ARID1B: variants seen among roughly 807,000 people sequenced by gnomAD.
ARID1B encodes AT-rich interaction domain 1B.
A neutral mutation model predicts 212.3 loss-of-function variants in ARID1B; 30 were observed. The observed-to-expected ratio is 0.14, with a 90% CI of 0.11 to 0.19. The LOEUF is 0.19. Among genes scored for constraint, ARID1B ranks in the 10% least tolerant of loss-of-function variants. ARID1B has a pLI of 1.00. For missense variants in ARID1B, 2,891 were observed against 3,204.0 expected, an observed-to-expected ratio of 0.90 and a Z score of 2.36; for synonymous variants, 1,402 against 1,301.7, an observed-to-expected ratio of 1.08 and a Z score of -1.66.
chr6:157,038,706 A>C (rs1398003680), intron 4 of ARID1B, among the ~76,000 whole-genome samples: 1 of 152,172 alleles, frequency 6.6e-6, no homozygotes, highest in Non-Finnish European at 1.5e-5. Context: ...TGCCCAGCAT[A>C]CATGTGGAAT....
At chr6:156,810,791 T>A (rs1182677924) in intron 1 of ARID1B, among the ~76,000 whole-genome samples, 1 of 152,174 alleles carries the variant, frequency 6.6e-6, no homozygotes, top group African/African-American at 2.4e-5. Context: ...GCAGGTCTTA[T>A]GTGGGAGGGG....
At chr6:156,888,208 T>G (rs1161535163) in intron 2 of ARID1B, among the ~76,000 whole-genome samples, 1 of 152,214 alleles carries the variant, frequency 6.6e-6, no homozygotes, top group African/African-American at 2.4e-5. Flanking sequence ...TTGGCTCCTC[T>G]TTTTGTGCTT....
intron 4 of ARID1B, chr6:157,023,443 T>C (rs1780454011): frequency 6.6e-6 from 1 of 152,236 alleles, no homozygotes; most frequent in South Asian, 2.1e-4. Flanking sequence ...TCAGAAGGGA[T>C]ATGTACAATT....
intron 4 of ARID1B, chr6:156,939,239 C>T (rs1457459081): frequency 6.6e-6 from 1 of 152,162 alleles, no homozygotes; most frequent in Non-Finnish European, 1.5e-5. Flanking sequence ...ATGAAATAAA[C>T]CTAGCATTTA....
At chr6:156,847,564 C>T (rs1015962209) in intron 2 of ARID1B, among the ~76,000 whole-genome samples, 4 of 151,960 alleles carry the variant, frequency 2.6e-5, no homozygotes, top group African/African-American at 4.8e-5. Context: ...CTGAGATAGA[C>T]GATGGGAAGG....
intron 2 of ARID1B, among the ~76,000 whole-genome samples, chr6:156,846,597 G>C (rs1416937549): frequency 1.3e-5 from 2 of 152,258 alleles, no homozygotes; most frequent in East Asian, 3.9e-4. Context: ...CATCTTGTTG[G>C]CAGACCCTAA....
intron 4 of ARID1B, among the ~76,000 whole-genome samples, chr6:156,963,931 T>G (rs949507740): frequency 6.6e-6 from 1 of 152,252 alleles, no homozygotes; most frequent in African/African-American, 2.4e-5. Context: ...TTCTGTTCCC[T>G]TTTCTTTAGT....
chr6:157,107,389 G>T (rs1481870423), intron 5 of ARID1B, among the ~76,000 whole-genome samples: 1 of 151,962 alleles, frequency 6.6e-6, no homozygotes, highest in Non-Finnish European at 1.5e-5. Context: ...CATTGGAGGA[G>T]GTGGGCTAAA....
chr6:157,092,539 GTGGGGAATGAGTAT>G (rs1446225635), intron 5 of ARID1B, among the ~76,000 whole-genome samples: 3 of 152,254 alleles, frequency 2.0e-5, no homozygotes, highest in Admixed American at 2.0e-4. Context: ...ATTCTGATGG[GTGGGGAATGAGTAT>G]TCTTTTCTTC....
chr6:156,813,125 G>A (rs1161753215), intron 1 of ARID1B, among the ~76,000 whole-genome samples: 3 of 136,138 alleles, frequency 2.2e-5, no homozygotes, highest in African/African-American at 8.4e-5. Flanking sequence ...TTTTTTTTGA[G>A]ACGGAGTCTC....
rs773646023 is a variant in ARID1B, at chr6:157,133,054, C to G, written c.2608C>G (p.Pro870Ala). 37 of 1,605,864 alleles carry G rather than the reference C, an allele frequency of 2.3e-5. No homozygotes were observed. The highest frequency in any genetic ancestry group is 3.0e-5 in the Non-Finnish European group (35 of 1,177,848). ...RGFMAGTQRN[P>A]QMAQYGPQQT... ...TTTTATGGCAGGCACACAAAGAAACCCTCAGATGGCTCAGTATGGACCTCA... is the reference window on the plus strand; with the variant it reads ...TTTTATGGCAGGCACACAAAGAAACGCTCAGATGGCTCAGTATGGACCTCA... Residue 870 changes from proline (P) to alanine (A), a missense_variant, in exon 7 of 20, where the codon CCT becomes GCT. Coordinates refer to ENST00000636930, the MANE Select transcript of ARID1B (RefSeq NM_001374828.1).
intron 16 of ARID1B, among the ~76,000 whole-genome samples, chr6:157,198,253 A>G (rs1189104248): frequency 2.0e-5 from 3 of 152,200 alleles, no homozygotes; most frequent in East Asian, 1.9e-4. Context: ...AATTCTGAGC[A>G]CTTGTATTTA....
intron 4 of ARID1B, among the ~76,000 whole-genome samples, chr6:156,981,894 G>T (rs1777630590): frequency 6.6e-6 from 1 of 151,868 alleles, no homozygotes; most frequent in Non-Finnish European, 1.5e-5. Flanking sequence ...GGTCATACCT[G>T]CCAGAGAAGT....
At chr6:157,157,040 A>T (rs1790623332) in intron 8 of ARID1B, among the ~76,000 whole-genome samples, 1 of 151,878 alleles carries the variant, frequency 6.6e-6, no homozygotes, top group Non-Finnish European at 1.5e-5. Flanking sequence ...TTCCTCTCAG[A>T]CCTCAGTATC....
chr6:156,980,097 T>C (rs545964337), intron 4 of ARID1B, among the ~76,000 whole-genome samples: 11 of 152,354 alleles, frequency 7.2e-5, no homozygotes, highest in Admixed American at 2.0e-4. Flanking sequence ...TGTAAAAATT[T>C]AGCATTTGCC....
In ARID1B at chr6:157,063,812, C is replaced by A. The variant is rs114991546; in HGVS notation, c.2248-20850C>A. Among the ~76,000 whole-genome samples the A allele has an allele frequency of 8.8e-3, 1,347 of 152,278 alleles. 24 individuals are homozygous for A. Among genetic ancestry groups the A allele is most frequent in the African/African-American group, 0.031 (1,297 of 41,534 alleles). ...CATGACTTATCACAGGGTGACATTC[C>A]TTTAGCAAATGTCTTTAAGACCAAG... is the stretch of plus-strand genomic sequence containing the variant. On this transcript the variant is annotated intron_variant, in intron 4 of 19. Transcript: ENST00000636930.
In ARID1B at chr6:156,829,011, G is replaced by A. The variant is rs287928; in HGVS notation, c.1792-216G>A. ...TTTTGTTTAGTCTAGAGCTCTCTTA[G>A]TTGTTAAAAACTCCTAAAAGTAAAA... On this transcript the variant is annotated intron_variant, in intron 1 of 19. Coordinates refer to ENST00000636930, the MANE Select transcript of ARID1B (RefSeq NM_001374828.1). Among the ~76,000 whole-genome samples the A allele has an allele frequency of 0.61, 92,316 of 151,978 alleles. 28,445 individuals carry two copies. Among genetic ancestry groups the A allele is most frequent in the Non-Finnish European group, 0.66 (44,751 of 67,942 alleles).
rs537578418 is a variant in ARID1B, at chr6:157,034,521, T to A, written c.2248-50141T>A. ...GGTTTTGTCTTATGAAATATAGTTATTGACTTTTCTGTTATTGTTGTTCAA... is the reference window on the plus strand; with the variant it reads ...GGTTTTGTCTTATGAAATATAGTTAATGACTTTTCTGTTATTGTTGTTCAA... On this transcript the variant is annotated intron_variant, in intron 4 of 19. Transcript: ENST00000636930. Among the ~76,000 whole-genome samples, 17 of 152,368 alleles carry A rather than the reference T, an allele frequency of 1.1e-4. No homozygotes were observed. The South Asian group carries it at 3.5e-3, about 32-fold the overall frequency.
chr6:156,838,178 T>C (rs1201536111), intron 2 of ARID1B, among the ~76,000 whole-genome samples: 1 of 152,182 alleles, frequency 6.6e-6, no homozygotes, highest in Non-Finnish European at 1.5e-5. Flanking sequence ...ACCAGTAGAA[T>C]TGGCTCTTCA....
Sources: gnomAD v4.1 joint callset for allele counts (sites outside exome capture counted in the v4.1 genomes callset) on GRCh38, gnomAD v4.1.1 for gene constraint, MANE v1.5 for transcripts, NCBI Gene and HGNC (gene_info 2026-07-23, HGNC 2026-07-21) for gene names.